Variants in TANC2 observed in about 807,000 individuals in gnomAD.
The protein encoded by TANC2 is tetratricopeptide repeat, ankyrin repeat and coiled-coil containing 2.
Under a neutral mutation model 210.5 loss-of-function variants are expected in TANC2, and 26 were observed. The observed-to-expected ratio is 0.12, with a 90% CI of 0.09 to 0.17. The LOEUF (loss-of-function observed/expected upper bound fraction) is 0.17, where lower values mean the gene tolerates loss of function less well. TANC2 is among the 10% of genes least tolerant of loss of function. The pLI is 1.00. For synonymous variants in TANC2, 931 were observed against 967.1 expected, an observed-to-expected ratio of 0.96 and a Z score of 0.69; for missense variants, 2,129 against 2,608.9, an observed-to-expected ratio of 0.82 and a Z score of 4.01.
At chr17:63,165,323 A>C (rs1246448225) in intron 5 of TANC2, among the ~76,000 whole-genome samples, 7 of 152,048 alleles carry the variant, frequency 4.6e-5, no homozygotes, top group African/African-American at 1.7e-4. Context: ...GTTTATGCCC[A>C]AAAAGCTTTC....
At chr17:63,224,031 A>G (rs1002693842) in intron 7 of TANC2, among the ~76,000 whole-genome samples, 2 of 152,084 alleles carry the variant, frequency 1.3e-5, no homozygotes, top group African/African-American at 4.8e-5. Flanking sequence ...TTCCTTTTCA[A>G]TCCTAGACCA....
intron 2 of TANC2, among the ~76,000 whole-genome samples, chr17:63,059,067 A>G (rs2035905561): frequency 6.6e-6 from 1 of 152,154 alleles, no homozygotes; most frequent in Admixed American, 6.5e-5. Flanking sequence ...CTTCTGATCC[A>G]TGAGCCCGGG....
intron 2 of TANC2, among the ~76,000 whole-genome samples, chr17:63,072,633 A>G (rs969344921): frequency 6.6e-6 from 1 of 152,074 alleles, no homozygotes; most frequent in Non-Finnish European, 1.5e-5. Flanking sequence ...TTATTTTACA[A>G]ATCTGACTAA....
rs1399495646 is a variant in TANC2 at position 63,420,219 on chromosome 17, G to A, written c.4489G>A (p.Glu1497Lys). ...ATACTCTGTACAGGATATATTCGAGGAGGAGTACCTGGAACAGGATGTTGA... is the reference window on the plus strand; with the variant it reads ...ATACTCTGTACAGGATATATTCGAGAAGGAGTACCTGGAACAGGATGTTGA... The change falls in exon 28 of 28, where the codon GAG becomes AAG. Residue 1497 changes from glutamate (E) to lysine (K), a missense_variant. Glu to Lys is a moderately conservative substitution (Grantham distance 56). This residue lies in a region of TANC2 where 584 missense variants were observed against 627.3 expected (regional missense o/e 0.93). Transcript: ENST00000689528. This position sits in a 1 kb window ranked among gnomAD's most constrained non-coding sequence, Gnocchi z 4.2. The A allele has an allele frequency of 1.9e-6, 3 of 1,610,652 alleles. No individual in the cohort carries two copies. The Admixed American group carries it at 5.0e-5, about 27-fold the overall frequency.
intron 21 of TANC2, among the ~76,000 whole-genome samples, chr17:63,407,301 T>C (rs1199310945): frequency 6.6e-6 from 1 of 152,088 alleles, no homozygotes; most frequent in African/African-American, 2.4e-5. Flanking sequence ...CCAAAGAAAT[T>C]TGGCTTCATG....
intron 2 of TANC2, among the ~76,000 whole-genome samples, chr17:63,025,710 C>T (rs915125181): frequency 1.3e-5 from 2 of 151,808 alleles, no homozygotes; most frequent in African/African-American, 2.4e-5. Context: ...GCATGAGAAT[C>T]GCTTGAACCT....
At chr17:63,099,178 G>T (rs1194084981) in exon 4 of TANC2, 7 of 1,609,976 alleles carry the variant, frequency 4.3e-6, no homozygotes, top group Admixed American at 1.7e-5. Context: ...CTAACAGGTG[G>T]CATCTCCACA....
At chr17:63,213,188 T>C (rs762167450) in intron 7 of TANC2, among the ~76,000 whole-genome samples, 14 of 152,232 alleles carry the variant, frequency 9.2e-5, no homozygotes, top group Non-Finnish European at 1.0e-4. Context: ...GCTCATGGTC[T>C]GTCAGAGAAA....
At chr17:63,347,779 T>C (rs2146849897) in intron 12 of TANC2, among the ~76,000 whole-genome samples, 2 of 152,300 alleles carry the variant, frequency 1.3e-5, no homozygotes, top group East Asian at 3.9e-4. Context: ...TGTTTTGTTT[T>C]GTTTCGTTTT....
At position 63,404,999 on chromosome 17, in the gene TANC2, A is replaced by G. The variant is rs1327008313; in HGVS notation, c.3332-123A>G. ...TTTCTTTATGGAAAAGGTGGCAAAA[A>G]TCATTATTCTTAGAAGTAAAGTAGC... On this transcript the variant is annotated intron_variant, in intron 19 of 27. Coordinates refer to ENST00000689528, the Ensembl canonical transcript of TANC2. 7 of 1,207,078 alleles carry G rather than the reference A, an allele frequency of 5.8e-6. No homozygotes were observed. The African/African-American group carries it at 7.6e-5, about 13-fold the overall frequency. 74.8% of individuals were successfully genotyped at this position (1,207,078 alleles called of 1,614,324 possible).
At chr17:63,409,845 T>C (rs1294431709) in intron 21 of TANC2, among the ~76,000 whole-genome samples, 3 of 152,260 alleles carry the variant, frequency 2.0e-5, no homozygotes, top group African/African-American at 4.8e-5. Context: ...GTATATCCCT[T>C]ATCTGAAATG....
intron 7 of TANC2, among the ~76,000 whole-genome samples, chr17:63,235,722 G>A (rs945115775): frequency 6.6e-6 from 1 of 151,974 alleles, no homozygotes; most frequent in Admixed American, 6.6e-5. Flanking sequence ...ATTACCTCAT[G>A]AGCTTAGGTC....
At chr17:63,328,380 G>GTA (rs891078743) in intron 11 of TANC2, among the ~76,000 whole-genome samples, 1 of 141,850 alleles carries the variant, frequency 7.0e-6, no homozygotes, top group African/African-American at 2.8e-5. Flanking sequence ...GTGTATATGT[G>GTA]TGTGTGTGTG....
At chr17:63,323,289 A>G (rs1383034745) in intron 11 of TANC2, among the ~76,000 whole-genome samples, 2 of 152,252 alleles carry the variant, frequency 1.3e-5, no homozygotes, top group Admixed American at 6.5e-5. Context: ...TTGGTATTTC[A>G]TAACATTCTT....
At chr17:63,044,435 A>G (rs928975747) in intron 2 of TANC2, among the ~76,000 whole-genome samples, 1 of 151,986 alleles carries the variant, frequency 6.6e-6, no homozygotes, top group African/African-American at 2.4e-5. Flanking sequence ...TATGTATTGT[A>G]CAGTATGTTT....
chr17:63,074,985 C>CTGTAAAAAATAGTA (rs1269354686), intron 3 of TANC2, among the ~76,000 whole-genome samples: 1 of 152,008 alleles, frequency 6.6e-6, no homozygotes, highest in Non-Finnish European at 1.5e-5. Flanking sequence ...TTTGCTCTTC[C>CTGTAAAAAATAGTA]CAGTTTTTAG....
At chr17:63,345,312 C>G (rs925719804) in intron 12 of TANC2, among the ~76,000 whole-genome samples, 3 of 152,100 alleles carry the variant, frequency 2.0e-5, no homozygotes, top group African/African-American at 7.2e-5. Context: ...TTTTCTTAAA[C>G]TATTCTATAG....
intron 11 of TANC2, among the ~76,000 whole-genome samples, chr17:63,336,484 G>T (rs939002476): frequency 6.6e-6 from 1 of 152,160 alleles, no homozygotes; most frequent in Non-Finnish European, 1.5e-5. Flanking sequence ...CTTTGATGAA[G>T]TTTATGACTA....
chr17:63,154,690 A>G (rs1202328635), intron 5 of TANC2: 1 of 152,082 alleles, frequency 6.6e-6, no homozygotes, highest in African/African-American at 2.4e-5. Flanking sequence ...TGATTTTATT[A>G]TTTTTGCAGT....
Sources: allele counts gnomAD v4.1 joint callset (sites outside exome capture counted in the v4.1 genomes callset), GRCh38; gene constraint gnomAD v4.1.1; regional missense constraint gnomAD v4.1.1; non-coding constraint Gnocchi (gnomAD v3.1); transcripts MANE v1.5; gene names NCBI Gene and HGNC (gene_info 2026-07-23, HGNC 2026-07-21).